Variants in NXPE1 observed in about 807,000 individuals in gnomAD.
NXPE1 encodes NXPE family member 1.
Under a neutral mutation model 33.3 loss-of-function variants are expected in NXPE1, and 31 were observed. The ratio of observed to expected loss-of-function variants is 0.93; its 90% CI spans 0.70 to 1.26. NXPE1 has a LOEUF of 1.26. Ranked by LOEUF, NXPE1 falls within the 50% of genes most tolerant of loss-of-function variation. NXPE1 has a pLI of 0.00. For missense variants in NXPE1, 661 were observed against 655.6 expected (o/e 1.01, Z -0.09); for synonymous variants, 229 against 231.4 (o/e 0.99, Z 0.09).
intron 5 of NXPE1, among the ~76,000 whole-genome samples, chr11:114,544,252 G>A (rs1948199192): frequency 6.6e-6 from 1 of 152,006 alleles, no homozygotes; most frequent in Non-Finnish European, 1.5e-5. Flanking sequence ...TATATGGAAA[G>A]GTAAAGGAAC....
In NXPE1 at chr11:114,533,193, G is replaced by T. The variant is rs542069881; in HGVS notation, c.100-2285C>A. 1.4e-4 allele frequency among the ~76,000 whole-genome samples: 21 copies of T among 152,240 alleles called. No homozygotes were observed. The East Asian group carries it at 4.0e-3, about 29-fold the overall frequency. ...TTTTTTATAGATGTTGTGACTGTTT[G>T]CAAAGAAACCAGAGTTAGCAAATTA... On this transcript the variant is annotated intron_variant, in intron 5 of 8. Coordinates refer to ENST00000534921, the Ensembl canonical transcript of NXPE1.
intron 1 of NXPE1, among the ~76,000 whole-genome samples, chr11:114,559,336 G>A (rs979939948): frequency 5.9e-5 from 9 of 152,106 alleles, no homozygotes; most frequent in African/African-American, 4.8e-5. Context: ...GATCTCTCCC[G>A]TATTTTGAAT....
chr11:114,551,172 C>A, exon 5 of NXPE1: 1 of 1,535,034 alleles, frequency 6.5e-7, no homozygotes, highest in South Asian at 1.2e-5. Flanking sequence ...AGATCAGCAG[C>A]GTTTTTTGAA....
At chr11:114,540,693 A>G (rs1948060651) in intron 5 of NXPE1, among the ~76,000 whole-genome samples, 1 of 152,126 alleles carries the variant, frequency 6.6e-6, no homozygotes, top group African/African-American at 2.4e-5. Flanking sequence ...AAGGCTAAAG[A>G]CAGTGAACAA....
chr11:114,527,199 C>T (rs1310214504), intron 7 of NXPE1: 1 of 152,440 alleles, frequency 6.6e-6, no homozygotes, highest in Admixed American at 6.5e-5. Context: ...TCCCTCAAAC[C>T]TTGTTATGAC....
chr11:114,522,827 A>C, intron 8 of NXPE1, 52 bp downstream of exon 8: 1 of 1,337,694 alleles, frequency 7.5e-7, no homozygotes, highest in East Asian at 2.3e-5. Flanking sequence ...CCTCATTAAA[A>C]GTACTTTAAA....
At position 114,548,470 on chromosome 11, in the gene NXPE1, G is replaced by A. The variant is rs182932075; in HGVS notation, c.99+2633C>T. ...ACTGGTAGAAATAATAATAAAGGCA[G>A]CATTCTTATAATGCAGGTATTTAAT... On this transcript the variant is annotated intron_variant, in intron 5 of 8. Coordinates refer to ENST00000534921, the Ensembl canonical transcript of NXPE1. Among the ~76,000 whole-genome samples, 5 of 152,014 alleles carry A rather than the reference G, an allele frequency of 3.3e-5. No homozygotes were observed. The East Asian group carries it at 9.6e-4, about 29-fold the overall frequency.
At chr11:114,554,195 A>G in intron 1 of NXPE1, 6 of 983,388 alleles carry the variant, frequency 6.1e-6, no homozygotes, top group Non-Finnish European at 7.2e-6. Context: ...CTGTAATAGA[A>G]ACTTGTAGCT....
intron 1 of NXPE1, among the ~76,000 whole-genome samples, 167 bp from the exon 2 acceptor site, chr11:114,553,047 C>T (rs1304239038): frequency 6.6e-6 from 1 of 152,176 alleles, no homozygotes; most frequent in Non-Finnish European, 1.5e-5. Context: ...TTACCTCCTC[C>T]CTCACTGCAC....
downstream of NXPE1, among the ~76,000 whole-genome samples, chr11:114,521,151 A>T (rs946772281): frequency 6.6e-6 from 1 of 151,726 alleles, no homozygotes. Context: ...TATTAGGGTT[A>T]TTGATTTTCT....
chr11:114,559,696 C>G (rs1948734410), intron 1 of NXPE1, 102 bp downstream of exon 1: 1 of 152,112 alleles, frequency 6.6e-6, no homozygotes, highest in Non-Finnish European at 1.5e-5. Flanking sequence ...TCAGCAGACA[C>G]AGTCTTTCTA....
At chr11:114,558,515 T>C (rs1459307413) in intron 1 of NXPE1, among the ~76,000 whole-genome samples, 1 of 152,198 alleles carries the variant, frequency 6.6e-6, no homozygotes, top group Non-Finnish European at 1.5e-5. Flanking sequence ...AGAAAGTTTG[T>C]GAAGTGTTTC....
At chr11:114,533,732 TAGGGGA>T (rs1269534968) in intron 5 of NXPE1, among the ~76,000 whole-genome samples, 49 of 152,088 alleles carry the variant, frequency 3.2e-4, no homozygotes, top group African/African-American at 1.2e-3. Context: ...GCAGCAAGAC[TAGGGGA>T]GGGGCACCCA....
intron 5 of NXPE1, among the ~76,000 whole-genome samples, chr11:114,535,667 G>A (rs993095454): frequency 2.6e-5 from 4 of 152,016 alleles, no homozygotes; most frequent in Non-Finnish European, 5.9e-5. Context: ...AACCAACAAA[G>A]ATCAAAAGAG....
intron 7 of NXPE1, among the ~76,000 whole-genome samples, chr11:114,525,174 C>G (rs905798822): frequency 6.6e-6 from 1 of 151,820 alleles, no homozygotes; most frequent in Non-Finnish European, 1.5e-5. Context: ...TTGTAAGTCC[C>G]TACTAAATGT....
At chr11:114,519,923 G>A (rs762050370), downstream of NXPE1, among the ~76,000 whole-genome samples, 5 of 117,802 alleles carry the variant, frequency 4.2e-5, no homozygotes, top group South Asian at 2.7e-4. Flanking sequence ...ACAGAGTCTC[G>A]CTCTGTAGCC....
At chr11:114,536,441 A>C (rs1947828107) in intron 5 of NXPE1, among the ~76,000 whole-genome samples, 1 of 152,232 alleles carries the variant, frequency 6.6e-6, no homozygotes, top group African/African-American at 2.4e-5. Flanking sequence ...TCAGAGCAGG[A>C]CTGAAGGAAA....
intron 5 of NXPE1, among the ~76,000 whole-genome samples, chr11:114,540,948 C>G (rs1948078446): frequency 7.4e-6 from 1 of 134,572 alleles, no homozygotes. Flanking sequence ...GGGGAAATCC[C>G]AGAACAGAGG....
At position 114,530,104 on chromosome 11, in the gene NXPE1, A is replaced by G. The variant is rs1175270478; in HGVS notation, c.833+71T>C. 7 of 1,444,058 alleles carry G rather than the reference A, an allele frequency of 4.8e-6. No individual in the cohort carries two copies. In the East Asian group the frequency reaches 6.8e-5, roughly 14 times the overall value. The allele number at this position is 1,444,058 out of a possible 1,614,324, so 89.5% of individuals were successfully genotyped here. A position where few individuals can be genotyped will look rare whatever the true frequency, so the allele number is the denominator to read the frequency against. ...CCTCTGAGTCATGCTCAATGTTGCAATGGGCAATGTAGCTCTGACTGGGGC... is the reference window on the plus strand; with the variant it reads ...CCTCTGAGTCATGCTCAATGTTGCAGTGGGCAATGTAGCTCTGACTGGGGC... On this transcript the variant is annotated intron_variant, in intron 6 of 8. Transcript: ENST00000534921.
Sources: gnomAD v4.1 joint callset for allele counts (sites outside exome capture counted in the v4.1 genomes callset) on GRCh38, gnomAD v4.1.1 for gene constraint, MANE v1.5 for transcripts, NCBI Gene and HGNC (gene_info 2026-07-23, HGNC 2026-07-21) for gene names.